Variants in ABCA13 observed in about 807,000 individuals in gnomAD.
The protein encoded by ABCA13 is ATP-binding cassette sub-family A member 13.
ABCA13 carries 476 observed loss-of-function variants against 478.7 expected under a neutral mutation model. The observed-to-expected ratio is 0.99, with a 90% CI of 0.92 to 1.07. ABCA13 has a LOEUF of 1.07. ABCA13 is among the 50% of genes least tolerant of loss of function. The pLI, the probability that ABCA13 is intolerant of heterozygous loss-of-function variation, is 0.00. For missense variants in ABCA13, 6,060 were observed against 5,910.6 expected (o/e 1.03, Z -0.83); for synonymous variants, 2,252 against 2,158.9 (o/e 1.04, Z -1.20).
In ABCA13 at chr7:48,372,374, A is replaced by AT. The variant is rs760635510; in HGVS notation, c.11015dup (p.Ser3673GlnfsTer4). On this transcript the variant is annotated frameshift_variant, in exon 33 of 62. Transcript: ENST00000435803. LOFTEE classifies it high-confidence loss of function. Reference sequence around the variant, plus strand: ...TCATGCTGAGCTACCTCTTGAGTGCATTTTTCAGCCAAGCTAATACAGCGG... The same window carrying AT: ...TCATGCTGAGCTACCTCTTGAGTGCATTTTTTCAGCCAAGCTAATACAGCGG... 1 of 1,613,836 alleles carries AT rather than the reference A, an allele frequency of 6.2e-7. No individual in the cohort carries two copies. Among genetic ancestry groups the AT allele is most frequent in the African/African-American group, 1.3e-5 (1 of 75,008 alleles).
Position 48,272,530 on chromosome 7 carries a change from A to T in ABCA13, c.2864A>T (p.Asp955Val). The change falls in exon 17 of 62, where the codon GAC becomes GTC. Residue 955 changes from aspartate to valine, a missense_variant. Transcript: ENST00000435803. The part of the protein sequence containing the change: ...LTHIHLNVFQ[D>V]KDSALLLQIY... ...CACATACACCTAAATGTCTTCCAGGACAAGGATTCAGCTTTACTTCTGCAA... is the reference window on the plus strand; with the variant it reads ...CACATACACCTAAATGTCTTCCAGGTCAAGGATTCAGCTTTACTTCTGCAA... 6.2e-7 allele frequency: 1 copy of T among 1,613,844 alleles called. No homozygotes were observed. Among genetic ancestry groups the T allele is most frequent in the Non-Finnish European group, 8.5e-7 (1 of 1,179,770 alleles).
At chr7:48,421,489 G>T (rs1820734331) in intron 41 of ABCA13, among the ~76,000 whole-genome samples, 1 of 152,150 alleles carries the variant, frequency 6.6e-6, no homozygotes. Context: ...TTACTTTGAG[G>T]CTCATGTCAT....
intron 31 of ABCA13, among the ~76,000 whole-genome samples, chr7:48,362,523 T>C (rs1416775915): frequency 6.6e-6 from 1 of 151,314 alleles, no homozygotes; most frequent in Admixed American, 6.6e-5. Context: ...GTCTCTTGTA[T>C]GCATTATATA....
intron 9 of ABCA13, among the ~76,000 whole-genome samples, chr7:48,240,388 A>G (rs1790645488): frequency 6.6e-6 from 1 of 152,222 alleles, no homozygotes. Flanking sequence ...GGCTTGGGCA[A>G]GAATGATCTA....
rs576112090 is a variant in ABCA13 at position 48,412,696 on chromosome 7, C to T, written c.12459+113C>T. The T allele has an allele frequency of 1.3e-4, 96 of 746,378 alleles. No homozygotes were observed. In the African/African-American group the frequency reaches 1.6e-3, roughly 12 times the overall value. The allele number at this position is 746,378 out of a possible 1,614,324, so 46.2% of individuals were successfully genotyped here. A position where few individuals can be genotyped will look rare whatever the true frequency, so the allele number is the denominator to read the frequency against. On this transcript the variant is annotated intron_variant, in intron 41 of 61. Coordinates refer to ENST00000435803, the MANE Select transcript of ABCA13 (RefSeq NM_152701.5). Reference sequence around the variant, plus strand: ...GATGTGGGTAAGGGGGAGGAGTGTGCACTTTTATTTACATTTGATTTCTGA... The same window carrying T: ...GATGTGGGTAAGGGGGAGGAGTGTGTACTTTTATTTACATTTGATTTCTGA...
At chr7:48,228,561 G>C (rs1788589989) in intron 6 of ABCA13, among the ~76,000 whole-genome samples, 1 of 152,172 alleles carries the variant, frequency 6.6e-6, no homozygotes, top group South Asian at 2.1e-4. Context: ...TTGAGGTACA[G>C]ACCAAGCTGA....
chr7:48,587,643 T>G (rs962056183), intron 57 of ABCA13, among the ~76,000 whole-genome samples: 17 of 151,900 alleles, frequency 1.1e-4, no homozygotes, highest in Non-Finnish European at 2.1e-4. Flanking sequence ...AGATGTATGT[T>G]TATCACAGCA....
At chr7:48,408,667 T>A (rs1818589374) in intron 39 of ABCA13, among the ~76,000 whole-genome samples, 1 of 152,258 alleles carries the variant, frequency 6.6e-6, no homozygotes, top group Non-Finnish European at 1.5e-5. Context: ...TGACACATGA[T>A]AATTGCATAT....
chr7:48,335,659 A>T, intron 28 of ABCA13, 124 bp downstream of exon 28: 1 of 587,478 alleles, frequency 1.7e-6, no homozygotes, highest in Non-Finnish European at 2.8e-6. Flanking sequence ...TAGTTGACTC[A>T]TATAATTGAC....
At chr7:48,330,345 A>ACATC (rs940760729) in intron 27 of ABCA13, among the ~76,000 whole-genome samples, 1 of 132,306 alleles carries the variant, frequency 7.6e-6, no homozygotes, top group African/African-American at 2.9e-5. Context: ...AGTCATCCAC[A>ACATC]CATCCATCCA....
At chr7:48,599,621 C>A (rs1790671678) in intron 58 of ABCA13, among the ~76,000 whole-genome samples, 1 of 152,106 alleles carries the variant, frequency 6.6e-6, no homozygotes, top group Non-Finnish European at 1.5e-5. Flanking sequence ...TACCATTTGA[C>A]CAAGCAATCC....
intron 40 of ABCA13, 101 bp from the exon 41 acceptor site, chr7:48,412,252 A>G: frequency 1.2e-6 from 1 of 808,200 alleles, no homozygotes; most frequent in Non-Finnish European, 1.9e-6. Context: ...TTTGAAATGG[A>G]GTTTTGAAAT....
At chr7:48,625,113 G>A (rs1793539562) in intron 59 of ABCA13, among the ~76,000 whole-genome samples, 1 of 152,088 alleles carries the variant, frequency 6.6e-6, no homozygotes, top group Non-Finnish European at 1.5e-5. Flanking sequence ...TAAAAAAAAT[G>A]AAAGGAGGCA....
intron 44 of ABCA13, among the ~76,000 whole-genome samples, chr7:48,469,113 C>T (rs1192217684): frequency 2.0e-5 from 3 of 152,148 alleles, no homozygotes; most frequent in South Asian, 2.1e-4. Context: ...TAGTACAGAA[C>T]AAAAGTCATA....
intron 55 of ABCA13, among the ~76,000 whole-genome samples, chr7:48,536,259 A>AAT (rs34137779): frequency 0.14 from 21,195 of 152,116 alleles, 1,851 homozygotes; most frequent in African/African-American, 0.23. Flanking sequence ...CTATTTATGA[A>AAT]ATGATGGATT....
chr7:48,628,663 C>T (rs1297371920), intron 59 of ABCA13, among the ~76,000 whole-genome samples: 1 of 152,174 alleles, frequency 6.6e-6, no homozygotes, highest in Non-Finnish European at 1.5e-5. Context: ...AGGTTATTGT[C>T]TATCTCTGCC....
At chr7:48,425,028 G>T (rs1207261469) in intron 41 of ABCA13, among the ~76,000 whole-genome samples, 1 of 152,148 alleles carries the variant, frequency 6.6e-6, no homozygotes, top group Non-Finnish European at 1.5e-5. Context: ...CATAGGCAAA[G>T]TTCCAGAATT....
chr7:48,427,337 T>C (rs1006709311), intron 41 of ABCA13, among the ~76,000 whole-genome samples: 1 of 152,196 alleles, frequency 6.6e-6, no homozygotes, highest in African/African-American at 2.4e-5. Flanking sequence ...TTAATGGGGA[T>C]TTTTATGTAT....
At chr7:48,194,380 T>C (rs1687183171) in intron 2 of ABCA13, among the ~76,000 whole-genome samples, 1 of 149,488 alleles carries the variant, frequency 6.7e-6, no homozygotes, top group South Asian at 2.1e-4. Context: ...GATGATGGTG[T>C]TGTTGGTGAT....
Sources: gnomAD v4.1 joint callset for allele counts (sites outside exome capture counted in the v4.1 genomes callset) on GRCh38, gnomAD v4.1.1 for gene constraint, MANE v1.5 for transcripts, NCBI Gene and HGNC (gene_info 2026-07-23, HGNC 2026-07-21) for gene names.